DPP6: variants seen among roughly 807,000 people sequenced by gnomAD.
DPP6 encodes A-type potassium channel modulatory protein DPP6.
A neutral mutation model predicts 122.6 loss-of-function variants in DPP6; 69 were observed. The observed-to-expected ratio is 0.56, with a 90% CI of 0.46 to 0.69. The LOEUF is 0.69. Among genes scored for constraint, DPP6 ranks in the 30% least tolerant of loss-of-function variants. The pLI, the probability that DPP6 is intolerant of heterozygous loss-of-function variation, is 0.00. For missense variants in DPP6, 928 were observed against 1,116.9 expected (o/e 0.83, Z 2.41); for synonymous variants, 418 against 433.1 (o/e 0.97, Z 0.43).
chr7:154,795,262 C>T (rs2150433969), intron 11 of DPP6, among the ~76,000 whole-genome samples: 1 of 152,326 alleles, frequency 6.6e-6, no homozygotes, highest in African/African-American at 2.4e-5. Flanking sequence ...GCACCAGCAC[C>T]AGGCCCACAG....
intron 8 of DPP6, among the ~76,000 whole-genome samples, chr7:154,764,145 T>C (rs1409170186): frequency 6.6e-6 from 1 of 152,144 alleles, no homozygotes; most frequent in African/African-American, 2.4e-5. Flanking sequence ...GGGAGAGCTG[T>C]CCTTTCCCGG....
chr7:154,565,656 GC>G (rs1226120553), intron 4 of DPP6, among the ~76,000 whole-genome samples: 9 of 152,180 alleles, frequency 5.9e-5, no homozygotes, highest in African/African-American at 2.2e-4. Context: ...CTCCTAAGTA[GC>G]TGGGATTACA....
chr7:154,008,701 G>T (rs1352456374), intron 1 of DPP6, among the ~76,000 whole-genome samples: 1 of 131,320 alleles, frequency 7.6e-6, no homozygotes, highest in East Asian at 2.2e-4. Context: ...TCGCTCTGTC[G>T]CCCAGGCTGG....
Position 154,224,352 on chromosome 7 carries a change from A to C in DPP6, c.243+171289A>C, listed in dbSNP as rs1175815112. Among the ~76,000 whole-genome samples the C allele has an allele frequency of 4.0e-5, 6 of 148,534 alleles. 1 individual carries two copies. Among genetic ancestry groups the C allele is most frequent in the African/African-American group, 1.5e-4 (6 of 38,846 alleles). On this transcript the variant is annotated intron_variant, in intron 1 of 25. Transcript: ENST00000377770. ...TATAAAAAAATCAAATAATACAATA[A>C]AATAAAATCCATGTGGCAAGGTGAC...
the DPP6 span, among the ~76,000 whole-genome samples, chr7:153,861,030 G>A: frequency 4.9e-4 from 74 of 152,284 alleles, no homozygotes; most frequent in Non-Finnish European, 8.8e-4. Context: ...AGGCAAGAAA[G>A]TTATGGTCTC....
At chr7:154,285,830 G>A (rs926846767) in intron 1 of DPP6, among the ~76,000 whole-genome samples, 8 of 152,140 alleles carry the variant, frequency 5.3e-5, no homozygotes, top group East Asian at 1.9e-4. Flanking sequence ...TTTCGAATAC[G>A]GGAAAGACAG....
rs562387112 is a variant in DPP6 at position 154,121,209 on chromosome 7, G to A, written c.243+68146G>A. On this transcript the variant is annotated intron_variant, in intron 1 of 25. Transcript: ENST00000377770. ...CAGTCTCAGGTATTTCTTCATAGCAGCATGAGAACGGACTAATCCGGTAAT... is the reference window on the plus strand; with the variant it reads ...CAGTCTCAGGTATTTCTTCATAGCAACATGAGAACGGACTAATCCGGTAAT... Among the ~76,000 whole-genome samples the A allele has an allele frequency of 8.5e-4, 130 of 152,320 alleles. 1 individual carries two copies. The highest frequency in any genetic ancestry group is 3.0e-3 in the African/African-American group (126 of 41,564).
chr7:154,409,417 G>T (rs1313938260), intron 1 of DPP6, among the ~76,000 whole-genome samples: 2 of 152,182 alleles, frequency 1.3e-5, no homozygotes, highest in Non-Finnish European at 2.9e-5. Context: ...CCCTAGAACT[G>T]TGAGGAGGTA....
At chr7:154,880,420 T>C (rs1272547698) in intron 20 of DPP6, among the ~76,000 whole-genome samples, 1 of 152,212 alleles carries the variant, frequency 6.6e-6, no homozygotes, top group Non-Finnish European at 1.5e-5. Flanking sequence ...CAGAAGGCTG[T>C]GCAGGTGGGA....
At chr7:153,932,468 G>A (rs1332703546) in intron 1 of DPP6, among the ~76,000 whole-genome samples, 2 of 152,004 alleles carry the variant, frequency 1.3e-5, no homozygotes, top group African/African-American at 4.8e-5. Context: ...ATCCACAAAG[G>A]GGGAAATGTC....
chr7:154,715,890 T>C (rs10277593), intron 7 of DPP6, among the ~76,000 whole-genome samples: 147,702 of 152,236 alleles, frequency 0.97, 71,828 homozygotes, highest in Non-Finnish European at 1. Flanking sequence ...CTGCCCAAAC[T>C]CCACTCTGAC....
chr7:154,887,830 C>T, intron 23 of DPP6, 96 bp downstream of exon 23: 1 of 1,388,326 alleles, frequency 7.2e-7, no homozygotes. Context: ...TCTGCCTTCC[C>T]CAGCCCCATG....
chr7:154,046,283 A>G (rs1395999080), intron 1 of DPP6, among the ~76,000 whole-genome samples: 2 of 152,154 alleles, frequency 1.3e-5, no homozygotes, highest in Non-Finnish European at 2.9e-5. Context: ...AAGCAGCTGC[A>G]AGGCCTCTGC....
At chr7:154,213,557 G>A (rs569272395) in intron 1 of DPP6, among the ~76,000 whole-genome samples, 8 of 152,272 alleles carry the variant, frequency 5.3e-5, no homozygotes, top group South Asian at 2.1e-4. Context: ...GGCAATGCAC[G>A]TCCAAGAAGC....
intron 1 of DPP6, among the ~76,000 whole-genome samples, chr7:154,155,677 A>C (rs2150695791): frequency 6.6e-6 from 1 of 152,332 alleles, no homozygotes; most frequent in South Asian, 2.1e-4. Context: ...TCATCATTGC[A>C]GTGAGTATAA....
chr7:154,851,306 T>C (rs1475307864), intron 16 of DPP6, among the ~76,000 whole-genome samples: 1 of 152,260 alleles, frequency 6.6e-6, no homozygotes, highest in Non-Finnish European at 1.5e-5. Flanking sequence ...CTGTGAGGAT[T>C]TGATTAGAAA....
At chr7:154,891,489 C>T (rs549217569) in intron 25 of DPP6, among the ~76,000 whole-genome samples, 80 of 152,308 alleles carry the variant, frequency 5.3e-4, no homozygotes, top group African/African-American at 1.9e-3. Context: ...CACCTGGAAT[C>T]CGAGGCTCAG....
intron 1 of DPP6, among the ~76,000 whole-genome samples, chr7:154,346,908 G>A (rs959803127): frequency 6.6e-6 from 1 of 152,178 alleles, no homozygotes; most frequent in Non-Finnish European, 1.5e-5. Context: ...TTCGCCCAGA[G>A]TATAATGTTT....
intron 3 of DPP6, among the ~76,000 whole-genome samples, chr7:154,513,526 TG>T (rs1826245533): frequency 6.6e-6 from 1 of 152,146 alleles, no homozygotes; most frequent in Non-Finnish European, 1.5e-5. Context: ...CCCTCCTTCA[TG>T]GGGGAATGTA....
Sources: gnomAD v4.1 joint callset for allele counts (sites outside exome capture counted in the v4.1 genomes callset) on GRCh38, gnomAD v4.1.1 for gene constraint, MANE v1.5 for transcripts, NCBI Gene and HGNC (gene_info 2026-07-23, HGNC 2026-07-21) for gene names.